KDM1A: variants seen among roughly 807,000 people sequenced by gnomAD.
KDM1A encodes lysine-specific histone demethylase 1A.
KDM1A carries 49 observed loss-of-function variants against 109.4 expected under a neutral mutation model. The observed-to-expected ratio is 0.45, with a 90% CI of 0.36 to 0.57. The LOEUF (loss-of-function observed/expected upper bound fraction) is 0.57, where lower values mean the gene tolerates loss of function less well. Ranked by LOEUF, KDM1A falls within the 20% of genes least tolerant of loss-of-function variation. The probability of loss-of-function intolerance (pLI) is 0.00; values close to 1 mark genes in which losing one functional copy is unlikely to be tolerated. For synonymous variants in KDM1A, 380 were observed against 415.4 expected (o/e 0.91, Z 1.04); for missense variants, 668 against 1,116.6 (o/e 0.60, Z 5.73).
intron 1 of KDM1A, among the ~76,000 whole-genome samples, chr1:23,024,642 A>G (rs1217292774): frequency 6.6e-6 from 1 of 152,238 alleles, no homozygotes; most frequent in Non-Finnish European, 1.5e-5. Flanking sequence ...AAGGTTTTAA[A>G]TTGGTAAATT....
At position 23,081,229 on chromosome 1, in the gene KDM1A, C is replaced by T. The variant is rs1643612189; in HGVS notation, c.2171-217C>T. ...AGCAGTGAGGTGCCTGAGAATCTTA[C>T]TTCACTCTAGTCTGCCAGCTCCTAC... On this transcript the variant is annotated intron_variant, in intron 18 of 20. Coordinates refer to ENST00000400181, the MANE Select transcript of KDM1A (RefSeq NM_001009999.3). 2.0e-5 allele frequency: 10 copies of T among 499,416 alleles called. 1 individual carries two copies. Among genetic ancestry groups the T allele is most frequent in the Non-Finnish European group, 2.8e-5 (8 of 283,462 alleles). 30.9% of individuals were successfully genotyped at this position (499,416 alleles called of 1,614,324 possible). A position where few individuals can be genotyped will look rare whatever the true frequency, so the allele number is the denominator to read the frequency against.
At chr1:23,026,971 A>G (rs1016024000) in intron 1 of KDM1A, among the ~76,000 whole-genome samples, 6 of 152,162 alleles carry the variant, frequency 3.9e-5, no homozygotes, top group Non-Finnish European at 7.3e-5. Context: ...TCTCAGGGGA[A>G]TAGTTTTTAT....
At chr1:23,059,275 A>G in intron 9 of KDM1A, 108 bp downstream of exon 9, 1 of 726,996 alleles carries the variant, frequency 1.4e-6, no homozygotes, top group Non-Finnish European at 2.5e-6. Flanking sequence ...ATAGAGGTGT[A>G]TATATATATA....
At chr1:23,032,616 T>A (rs1452261162) in intron 2 of KDM1A, among the ~76,000 whole-genome samples, 1 of 152,204 alleles carries the variant, frequency 6.6e-6, no homozygotes, top group East Asian at 1.9e-4. Context: ...TAGTGATTCT[T>A]CCTTTAAAAC....
chr1:23,020,237 C>T, intron 1 of KDM1A: 1 of 287,438 alleles, frequency 3.5e-6, no homozygotes. Flanking sequence ...CACACCTTTT[C>T]ATTTTCTTGA....
chr1:23,081,378 G>A, intron 18 of KDM1A, 68 bp from the exon 19 acceptor site: 1 of 1,575,610 alleles, frequency 6.3e-7, no homozygotes, highest in Non-Finnish European at 8.7e-7. Flanking sequence ...ATAAGGTGGG[G>A]CCTGATAAGG....
intron 1 of KDM1A, among the ~76,000 whole-genome samples, chr1:23,028,114 T>G (rs1298893832): frequency 6.6e-6 from 1 of 152,232 alleles, no homozygotes; most frequent in African/African-American, 2.4e-5. Context: ...TTAAACAATG[T>G]TGAAAAGATT....
chr1:23,071,303 A>G lies in KDM1A; in HGVS notation c.1492A>G (p.Ile498Val). The G allele has an allele frequency of 6.2e-7, 1 of 1,613,632 alleles. No homozygotes were observed. The highest frequency in any genetic ancestry group is 8.5e-7 in the Non-Finnish European group (1 of 1,179,796). ...ATCTGAAGTAAAGCCACCCAGAGAT[A>G]TTACTGCCGAGTTCTTAGTGAAAAG... ...EASEVKPPRD[I>V]TAEFLVKSKH... The change falls in exon 13 of 21, where the codon ATT (isoleucine) becomes GTT (valine). Residue 498 changes from isoleucine (I) to valine (V), a missense_variant. Physicochemically the swap from Ile to Val is conservative, Grantham distance 29. This residue lies in a region of KDM1A where 62 missense variants were observed against 82.8 expected (regional missense o/e 0.75). Transcript: ENST00000400181.
chr1:23,073,340 T>C lies in KDM1A; in HGVS notation c.1671T>C (p.Phe557=). 1 of 1,612,852 alleles carries C rather than the reference T, an allele frequency of 6.2e-7. No individual in the cohort carries two copies. The highest frequency in any genetic ancestry group is 8.5e-7 in the Non-Finnish European group (1 of 1,179,150). The change falls in exon 15 of 21, where the codon TTT becomes TTC. Residue 557 remains phenylalanine, a synonymous_variant. Transcript: ENST00000400181. ...SRDRQILDWH[F]ANLEFANATP... The stretch of plus-strand genomic sequence containing the variant: ...ACAGACAAATACTTGATTGGCATTT[T>C]GCAAATCTTGAATTTGCTAATGCCA...
At chr1:23,071,981 T>C in intron 13 of KDM1A, 143 bp from the exon 14 acceptor site, 1 of 597,352 alleles carries the variant, frequency 1.7e-6, no homozygotes, top group East Asian at 2.9e-5. Context: ...CAGCTCTATC[T>C]AACCCCAGCC....
rs748248796 is a variant in KDM1A at position 23,059,061 on chromosome 1, GT to G, written c.1073-5del. 6.3e-7 allele frequency: 1 copy of G among 1,584,570 alleles called. No individual in the cohort carries two copies. ...AGGTCTATTGAATTTAATTGCTTGA[GT>G]TTTTTTCTAGGAGGGAATCCTATGG... is the stretch of plus-strand genomic sequence containing the variant. On this transcript the variant is annotated splice_polypyrimidine_tract_variant and intron_variant, in intron 8 of 20. Transcript: ENST00000400181.
At chr1:23,033,714 G>A (rs1357149990) in intron 2 of KDM1A, among the ~76,000 whole-genome samples, 2 of 152,158 alleles carry the variant, frequency 1.3e-5, no homozygotes, top group Middle Eastern at 3.2e-3. Flanking sequence ...GACTGAATAA[G>A]GTTCCTCTGG....
intron 1 of KDM1A, among the ~76,000 whole-genome samples, chr1:23,029,465 C>G (rs1162501096): frequency 6.6e-6 from 1 of 151,952 alleles, no homozygotes; most frequent in Non-Finnish European, 1.5e-5. Flanking sequence ...TTTGGCTAAC[C>G]AATCCATAAT....
At chr1:23,066,128 A>AAAGATTTAGGTTTC in intron 10 of KDM1A, 57 bp downstream of exon 10, 1 of 1,184,196 alleles carries the variant, frequency 8.4e-7, no homozygotes, top group Non-Finnish European at 1.2e-6. Context: ...TAACCCATTA[A>AAAGATTTAGGTTTC]AAGCTTGAAA....
chr1:23,052,846 A>AT (rs1304000390), intron 4 of KDM1A, among the ~76,000 whole-genome samples: 1 of 151,688 alleles, frequency 6.6e-6, no homozygotes. Flanking sequence ...CTCTTGCCCT[A>AT]TTTTTTCCTC....
At chr1:23,070,455 A>T (rs1210581011) in intron 12 of KDM1A, among the ~76,000 whole-genome samples, 1 of 151,928 alleles carries the variant, frequency 6.6e-6, no homozygotes, top group African/African-American at 2.4e-5. Context: ...TGGGTGACAG[A>T]ACAAGACTGT....
At chr1:23,082,578 C>T (rs1643652247) in intron 20 of KDM1A, 1 of 464,726 alleles carries the variant, frequency 2.2e-6, no homozygotes, top group Non-Finnish European at 3.8e-6. Flanking sequence ...ATGGAGGAGT[C>T]CAGAGTATAA....
At position 23,077,353 on chromosome 1, in the gene KDM1A, G is replaced by A. The variant is rs555589845; in HGVS notation, c.1860G>A (p.Thr620=). The change falls in exon 16 of 21, where the codon ACG becomes ACA. Residue 620 remains threonine (T), a synonymous_variant. Coordinates refer to ENST00000400181, the MANE Select transcript of KDM1A (RefSeq NM_001009999.3). ...CAGCAGTGCGACAGGTTCGCTACACGGCTTCAGGTATGTCACTGCTTTACA... is the reference window on the plus strand; with the variant it reads ...CAGCAGTGCGACAGGTTCGCTACACAGCTTCAGGTATGTCACTGCTTTACA... ...LNTAVRQVRY[T]ASGCEVIAVN... 1.9e-5 allele frequency: 31 copies of A among 1,611,960 alleles called. No individual in the cohort carries two copies. The highest frequency in any genetic ancestry group is 1.3e-4 in the East Asian group (6 of 44,786).
intron 4 of KDM1A, among the ~76,000 whole-genome samples, chr1:23,052,492 T>C (rs1370635439): frequency 1.3e-5 from 2 of 152,220 alleles, no homozygotes; most frequent in Non-Finnish European, 2.9e-5. Flanking sequence ...ATTAATTTCT[T>C]CTTGGTTGAA....
Sources: gnomAD v4.1 joint callset for allele counts (sites outside exome capture counted in the v4.1 genomes callset) on GRCh38, gnomAD v4.1.1 for gene constraint, gnomAD v4.1.1 regional missense constraint, MANE v1.5 for transcripts, NCBI Gene and HGNC (gene_info 2026-07-23, HGNC 2026-07-21) for gene names.